The following ARL15 variants were observed in gnomAD, a reference collection of about 807,000 sequenced individuals.
ARL15 encodes ADP-ribosylation factor-like protein 15.
In ARL15, 19 loss-of-function variants were observed where a neutral mutation model predicts 25.2. That is an observed-to-expected ratio of 0.75 (90% CI 0.53 to 1.10). The LOEUF (loss-of-function observed/expected upper bound fraction) is 1.10, where lower values mean the gene tolerates loss of function less well. ARL15 is among the 50% of genes least tolerant of loss of function. ARL15 has a pLI of 0.00. For synonymous variants in ARL15, 94 were observed against 86.8 expected, an observed-to-expected ratio of 1.08 and a Z score of -0.46; for missense variants, 220 against 246.0, an observed-to-expected ratio of 0.89 and a Z score of 0.71.
chr5:54,077,234 A>G (rs156441), intron 4 of ARL15, among the ~76,000 whole-genome samples: 76,460 of 152,102 alleles, frequency 0.5, 21,404 homozygotes, highest in Non-Finnish European at 0.62. Context: ...AAGGATATCT[A>G]CTACTCAAAG....
At chr5:53,974,883 C>T (rs1334940776) in intron 4 of ARL15, among the ~76,000 whole-genome samples, 2 of 152,156 alleles carry the variant, frequency 1.3e-5, no homozygotes, top group South Asian at 4.1e-4. Flanking sequence ...GGCTTCTTTA[C>T]TGAACTTCTC....
At chr5:54,176,183 G>T (rs1185283251) in intron 1 of ARL15, among the ~76,000 whole-genome samples, 1 of 152,102 alleles carries the variant, frequency 6.6e-6, no homozygotes, top group African/African-American at 2.4e-5. Context: ...AAGGTTCTTT[G>T]GAACTTAATG....
At chr5:53,952,663 T>C (rs1272607013) in intron 4 of ARL15, among the ~76,000 whole-genome samples, 6 of 152,246 alleles carry the variant, frequency 3.9e-5, no homozygotes, top group Non-Finnish European at 8.8e-5. Flanking sequence ...CTGCAATTTT[T>C]ATTTAAGAAA....
At chr5:54,021,847 A>G (rs1460434259) in intron 4 of ARL15, among the ~76,000 whole-genome samples, 1 of 152,220 alleles carries the variant, frequency 6.6e-6, no homozygotes, top group Non-Finnish European at 1.5e-5. Flanking sequence ...CAACATAATG[A>G]AATTTCTGAA....
intron 4 of ARL15, among the ~76,000 whole-genome samples, chr5:54,063,105 G>A (rs756316888): frequency 5.3e-5 from 8 of 152,198 alleles, no homozygotes; most frequent in Non-Finnish European, 1.0e-4. Context: ...GGCATAGGAT[G>A]TCAGGAAGAG....
intron 3 of ARL15, among the ~76,000 whole-genome samples, chr5:54,123,576 G>A (rs1047820012): frequency 4.6e-5 from 7 of 152,048 alleles, no homozygotes; most frequent in East Asian, 1.9e-4. Flanking sequence ...CAGACAATTC[G>A]AAATGAATAG....
At chr5:54,258,661 A>G (rs1757426087) in intron 1 of ARL15, among the ~76,000 whole-genome samples, 1 of 152,210 alleles carries the variant, frequency 6.6e-6, no homozygotes, top group East Asian at 1.9e-4. Context: ...AAAGTCCCCA[A>G]TGCAGCTCAA....
chr5:54,234,053 C>A (rs1021670867), intron 1 of ARL15, among the ~76,000 whole-genome samples: 2 of 152,082 alleles, frequency 1.3e-5, no homozygotes, highest in East Asian at 3.9e-4. Context: ...GCTGGTACAA[C>A]GGCAAGATCT....
chr5:54,283,399 C>T (rs1344247495), intron 1 of ARL15, among the ~76,000 whole-genome samples: 2 of 152,230 alleles, frequency 1.3e-5, no homozygotes, highest in Non-Finnish European at 2.9e-5. Context: ...TTAGGACACT[C>T]TGTTGAGTGA....
At chr5:54,290,225 C>A (rs916219649) in intron 1 of ARL15, among the ~76,000 whole-genome samples, 1 of 152,060 alleles carries the variant, frequency 6.6e-6, no homozygotes, top group Non-Finnish European at 1.5e-5. Context: ...ACAATATTGT[C>A]CAGATTGGCA....
chr5:53,886,406 A>C lies in ARL15; in HGVS notation c.*155T>G. 2 of 736,104 alleles carry C rather than the reference A, an allele frequency of 2.7e-6. No homozygotes were observed. The highest frequency in any genetic ancestry group is 2.1e-5 in the South Asian group (1 of 48,090). 45.6% of individuals were successfully genotyped at this position (736,104 alleles called of 1,614,324 possible). A position where few individuals can be genotyped will look rare whatever the true frequency, so the allele number is the denominator to read the frequency against. ...GCCGATGATAATTCATCTGATCTAC[A>C]GAATATTCACTTTAATAGAGAGATG... On this transcript the variant is annotated 3_prime_UTR_variant, in exon 5 of 5. Transcript: ENST00000504924.
intron 3 of ARL15, among the ~76,000 whole-genome samples, chr5:54,141,234 T>G (rs771643499): frequency 6.6e-6 from 1 of 152,152 alleles, no homozygotes; most frequent in East Asian, 1.9e-4. Flanking sequence ...GTCTACACAT[T>G]AAGTTAATTG....
In ARL15 at chr5:54,247,596, C is replaced by T. The variant is rs148872787; in HGVS notation, c.48+62836G>A. ...AGGAAGAGAAAAAAAAAAAAAAAACCCGAACACGTTTAGAAACAAAGGCAC... is the reference window on the plus strand; with the variant it reads ...AGGAAGAGAAAAAAAAAAAAAAAACTCGAACACGTTTAGAAACAAAGGCAC... On this transcript the variant is annotated intron_variant, in intron 1 of 4. Transcript: ENST00000504924. 2.4e-3 allele frequency among the ~76,000 whole-genome samples: 365 copies of T among 150,506 alleles called. 5 individuals are homozygous for T. Among genetic ancestry groups the T allele is most frequent in the African/African-American group, 8.4e-3 (346 of 41,150 alleles).
At chr5:54,227,734 AGAT>A (rs1756565915) in intron 1 of ARL15, among the ~76,000 whole-genome samples, 1 of 152,242 alleles carries the variant, frequency 6.6e-6, no homozygotes, top group Non-Finnish European at 1.5e-5. Flanking sequence ...CTGAAAGAAA[AGAT>A]AACTTTTCCA....
chr5:54,068,104 T>C (rs1283697949), intron 4 of ARL15, among the ~76,000 whole-genome samples: 2 of 152,212 alleles, frequency 1.3e-5, no homozygotes, highest in East Asian at 3.9e-4. Context: ...TCCAAGAACT[T>C]GCCTACAGTC....
At chr5:54,282,608 T>G (rs1758088822) in intron 1 of ARL15, 3 of 964,650 alleles carry the variant, frequency 3.1e-6, no homozygotes, top group South Asian at 9.6e-5. Flanking sequence ...TGTAATGGTT[T>G]AATTTTACTT....
At chr5:54,247,185 A>G (rs1280225654) in intron 1 of ARL15, among the ~76,000 whole-genome samples, 1 of 151,774 alleles carries the variant, frequency 6.6e-6, no homozygotes, top group Non-Finnish European at 1.5e-5. Flanking sequence ...ATAATTTCCT[A>G]TTAAAAGTAA....
In ARL15 at chr5:54,003,658, T is replaced by TTATATCCATCTATCTA. The variant is rs1253734153; in HGVS notation, c.462+109543_462+109544insTAGATAGATGGATATA. On this transcript the variant is annotated intron_variant, in intron 4 of 4. Coordinates refer to ENST00000504924, the MANE Select transcript of ARL15 (RefSeq NM_019087.3). ...GTCAGAATGTCAGTCAGAAAATATT[T>TTATATCCATCTATCTA]TCTTTCTATCTATCTATCTATCTAT... 1.7e-3 allele frequency among the ~76,000 whole-genome samples: 227 copies of TTATATCCATCTATCTA among 134,102 alleles called. 1 individual carries two copies. The highest frequency in any genetic ancestry group is 3.7e-3 in the Middle Eastern group (1 of 268). 88.0% of individuals were successfully genotyped at this position (134,102 alleles called of 152,430 possible). A position where few individuals can be genotyped will look rare whatever the true frequency, so the allele number is the denominator to read the frequency against.
rs186857353 is a variant in ARL15 at position 54,282,406 on chromosome 5, C to T, written c.48+28026G>A. ...GTCTTCATTCCCCTTGCTCTTGTTT[C>T]CCTCTTTAAAGAAAATCTGCTGTAT... On this transcript the variant is annotated intron_variant, in intron 1 of 4. Coordinates refer to ENST00000504924, the MANE Select transcript of ARL15 (RefSeq NM_019087.3). 9 of 985,420 alleles carry T rather than the reference C, an allele frequency of 9.1e-6. No homozygotes were observed. The East Asian group carries it at 1.0e-3, about 112-fold the overall frequency. The allele number at this position is 985,420 out of a possible 1,614,324, so 61.0% of individuals were successfully genotyped here.
Sources: gnomAD v4.1 joint callset for allele counts (sites outside exome capture counted in the v4.1 genomes callset) on GRCh38, gnomAD v4.1.1 for gene constraint, MANE v1.5 for transcripts, NCBI Gene and HGNC (gene_info 2026-07-23, HGNC 2026-07-21) for gene names.